MYOM1: variants seen among roughly 807,000 people sequenced by gnomAD.
MYOM1 encodes the protein myomesin 1.
MYOM1 carries 164 observed loss-of-function variants against 205.3 expected under a neutral mutation model. That is an observed-to-expected ratio of 0.80 (90% CI 0.70 to 0.91). The LOEUF (loss-of-function observed/expected upper bound fraction) is 0.91. MYOM1 is among the 40% of genes least tolerant of loss of function. The pLI, the probability that MYOM1 is intolerant of heterozygous loss-of-function variation, is 0.00. For synonymous variants in MYOM1, 772 were observed against 789.4 expected, an observed-to-expected ratio of 0.98 and a Z score of 0.37; for missense variants, 2,011 against 2,127.3, an observed-to-expected ratio of 0.95 and a Z score of 1.08.
In MYOM1 at chr18:3,071,850, G is replaced by C; in HGVS notation, c.4748C>G (p.Thr1583Ser). The C allele has an allele frequency of 6.2e-7, 1 of 1,604,118 alleles. No homozygotes were observed. Among genetic ancestry groups the C allele is most frequent in the Non-Finnish European group, 8.5e-7 (1 of 1,175,370 alleles). The change falls in exon 37 of 38, where the codon ACC becomes AGC. Residue 1583 changes from threonine (T) to serine (S), a missense_variant. By Grantham distance (58) the Thr-to-Ser change is moderately conservative. Transcript: ENST00000356443. Reference protein sequence around the residue: ...RVLGGLPDVVTIQEGKALNLT... With the variant: ...RVLGGLPDVVSIQEGKALNLT... ...CATGCTTACCTTCCCCTCCTGGATG[G>C]TGACCACGTCTGGGAGACCTCCCAA...
chr18:3,106,349 CCTTTTTAAATA>C (rs2079451199), intron 22 of MYOM1, among the ~76,000 whole-genome samples: 1 of 152,094 alleles, frequency 6.6e-6, no homozygotes, highest in African/African-American at 2.4e-5. Flanking sequence ...TGCTTATTTG[CCTTTTTAAATA>C]AAAGATGTTA....
intron 8 of MYOM1, 42 bp downstream of exon 8, chr18:3,173,896 T>C: frequency 6.4e-7 from 1 of 1,564,242 alleles, no homozygotes; most frequent in Non-Finnish European, 8.8e-7. Context: ...ATGCCATATT[T>C]TACATAGAGG....
intron 6 of MYOM1, 142 bp downstream of exon 6, chr18:3,175,900 C>T: frequency 1.8e-6 from 1 of 562,048 alleles, no homozygotes; most frequent in Non-Finnish European, 3.2e-6. Flanking sequence ...CAGGTGTGCA[C>T]CCAGAGAAGC....
chr18:3,084,141 A>C, intron 31 of MYOM1, 114 bp from the exon 32 acceptor site: 1 of 1,163,248 alleles, frequency 8.6e-7, no homozygotes, highest in Non-Finnish European at 1.2e-6. Context: ...AAATGGAAAC[A>C]AGGTGAATTT....
At chr18:3,220,977 A>AC (rs2081324204), upstream of MYOM1, among the ~76,000 whole-genome samples, 1 of 152,178 alleles carries the variant, frequency 6.6e-6, no homozygotes, top group African/African-American at 2.4e-5. Flanking sequence ...TTATGTTCTG[A>AC]CAGTGATATT....
intron 5 of MYOM1, among the ~76,000 whole-genome samples, chr18:3,181,986 G>A (rs761295526): frequency 3.3e-5 from 5 of 152,008 alleles, no homozygotes; most frequent in South Asian, 2.1e-4. Flanking sequence ...CGCCCGACTC[G>A]GCCTCCTAAA....
upstream of MYOM1, among the ~76,000 whole-genome samples, chr18:3,220,701 T>C (rs565937792): frequency 6.6e-6 from 1 of 152,342 alleles, no homozygotes; most frequent in Admixed American, 6.5e-5. Context: ...ACTATATTGA[T>C]AGCACTTAGT....
intron 8 of MYOM1, 105 bp from the exon 9 acceptor site, chr18:3,169,086 A>ACAAATGAG (rs944063732): frequency 2.1e-6 from 2 of 964,896 alleles, no homozygotes; most frequent in East Asian, 2.7e-5. Context: ...AAAAAAATGA[A>ACAAATGAG]CAAATGAGCA....
At chr18:3,085,202 TTTCTTCTGC>T (rs1192987273) in intron 30 of MYOM1, 70 bp from the exon 31 acceptor site, 2 of 846,542 alleles carry the variant, frequency 2.4e-6, no homozygotes, top group African/African-American at 3.6e-5. Flanking sequence ...GATTTTTTTT[TTTCTTCTGC>T]TTCTTCTGCT....
At chr18:3,218,649 T>C (rs2081297724) in intron 1 of MYOM1, among the ~76,000 whole-genome samples, 1 of 152,202 alleles carries the variant, frequency 6.6e-6, no homozygotes, top group Non-Finnish European at 1.5e-5. Context: ...AGAATTACGT[T>C]AGGCAGTTAT....
At chr18:3,166,824 T>C (rs1298423830) in intron 9 of MYOM1, among the ~76,000 whole-genome samples, 1 of 152,244 alleles carries the variant, frequency 6.6e-6, no homozygotes, top group Non-Finnish European at 1.5e-5. Flanking sequence ...AGAAAAATTA[T>C]ATGGTAATCT....
chr18:3,243,231 G>A, the MYOM1 span, among the ~76,000 whole-genome samples: 10 of 152,284 alleles, frequency 6.6e-5, no homozygotes, highest in Admixed American at 5.9e-4. Context: ...TCCTCCTACT[G>A]TTTTCCTGAA....
intron 29 of MYOM1, among the ~76,000 whole-genome samples, chr18:3,087,766 A>G (rs1238897783): frequency 2.6e-5 from 4 of 152,114 alleles, no homozygotes. Flanking sequence ...CTGGGATTAC[A>G]GGCATGAGCC....
At chr18:3,182,885 C>T (rs943288379) in intron 5 of MYOM1, among the ~76,000 whole-genome samples, 4 of 150,314 alleles carry the variant, frequency 2.7e-5, no homozygotes, top group African/African-American at 9.8e-5. Flanking sequence ...GGTGCAGCAG[C>T]ATCCTCTGCA....
In MYOM1 at chr18:3,215,082, T is replaced by A. The variant is rs1234403854; in HGVS notation, c.142A>T (p.Ser48Cys). ...VYTQGSTAYS[S>C]RSSAAHRRES... ...CGGCGGTGCGCGGCGGAGGAGCGGC[T>A]GCTGTAGGCCGTGGAGCCCTGGGTG... Residue 48 changes from serine to cysteine, a missense_variant, in exon 2 of 38, where the codon AGC becomes TGC. Physicochemically the swap from Ser to Cys is moderately radical, Grantham distance 112 (BLOSUM62 -1). Coordinates refer to ENST00000356443, the MANE Select transcript of MYOM1 (RefSeq NM_003803.4). 6 of 1,613,596 alleles carry A rather than the reference T, an allele frequency of 3.7e-6. No individual in the cohort carries two copies. Among genetic ancestry groups the A allele is most frequent in the Non-Finnish European group, 5.1e-6 (6 of 1,179,822 alleles).
At chr18:3,096,503 T>G (rs1305960640) in intron 25 of MYOM1, among the ~76,000 whole-genome samples, 1 of 151,110 alleles carries the variant, frequency 6.6e-6, no homozygotes, top group African/African-American at 2.4e-5. Flanking sequence ...GGCAATGGCA[T>G]GATCTCGGCT....
intron 22 of MYOM1, among the ~76,000 whole-genome samples, chr18:3,110,738 T>C (rs2079513986): frequency 2.7e-5 from 1 of 37,380 alleles, no homozygotes; most frequent in Admixed American, 4.5e-4. Flanking sequence ...ATTCTTTTTT[T>C]TCTTTTTTTT....
intron 12 of MYOM1, among the ~76,000 whole-genome samples, chr18:3,151,424 G>C (rs1219798324): frequency 2.0e-5 from 3 of 147,386 alleles, no homozygotes; most frequent in Non-Finnish European, 4.5e-5. Flanking sequence ...CAACATAAAT[G>C]TTTCTGAATA....
chr18:3,158,086 C>A (rs1158594569), intron 10 of MYOM1, among the ~76,000 whole-genome samples: 1 of 152,020 alleles, frequency 6.6e-6, no homozygotes. Flanking sequence ...ATATGATAAT[C>A]AAAAAATATG....
Sources: allele counts gnomAD v4.1 joint callset (sites outside exome capture counted in the v4.1 genomes callset), GRCh38; gene constraint gnomAD v4.1.1; transcripts MANE v1.5; gene names NCBI Gene and HGNC (gene_info 2026-07-23, HGNC 2026-07-21).